The following CEP76 variants were observed in gnomAD, a reference collection of about 807,000 sequenced individuals.
CEP76 encodes centrosomal protein of 76 kDa.
A neutral mutation model predicts 83.3 loss-of-function variants in CEP76; 55 were observed. That is an observed-to-expected ratio of 0.66 (90% CI 0.53 to 0.83). CEP76 has a LOEUF of 0.83. CEP76 is among the 40% of genes least tolerant of loss of function. The pLI is 0.00. For synonymous variants in CEP76, 270 were observed against 274.5 expected, an observed-to-expected ratio of 0.98 and a Z score of 0.16; for missense variants, 694 against 799.5, an observed-to-expected ratio of 0.87 and a Z score of 1.59.
intron 5 of CEP76, among the ~76,000 whole-genome samples, chr18:12,695,620 AGGTTGGTCT>A (rs2039928078): frequency 6.6e-6 from 1 of 151,986 alleles, no homozygotes; most frequent in African/African-American, 2.4e-5. Context: ...TATGTTATTC[AGGTTGGTCT>A]TAAACTCCAG....
chr18:12,673,973 TC>T (rs2039027366), intron 11 of CEP76, among the ~76,000 whole-genome samples: 1 of 152,148 alleles, frequency 6.6e-6, no homozygotes, highest in Non-Finnish European at 1.5e-5. Context: ...ATAGACTATT[TC>T]CTTATAGTCC....
At chr18:12,700,013 C>A in intron 2 of CEP76, 108 bp from the exon 3 acceptor site, 1 of 557,602 alleles carries the variant, frequency 1.8e-6, no homozygotes, top group South Asian at 4.0e-5. Context: ...CAGGGTAAGG[C>A]CCTTTCAAAG....
At chr18:12,664,268 G>A (rs2038758556) in intron 12 of CEP76, among the ~76,000 whole-genome samples, 1 of 152,182 alleles carries the variant, frequency 6.6e-6, no homozygotes, top group Non-Finnish European at 1.5e-5. Flanking sequence ...TGTAGGCCGG[G>A]CATGGTGGCT....
intron 7 of CEP76, chr18:12,686,666 G>A (rs1266754959): frequency 2.8e-5 from 11 of 398,170 alleles, no homozygotes; most frequent in Non-Finnish European, 4.6e-5. Flanking sequence ...AGGAGCTACA[G>A]CTATTATGCA....
chr18:12,677,570 A>G (rs2039187743), intron 10 of CEP76, among the ~76,000 whole-genome samples: 1 of 151,994 alleles, frequency 6.6e-6, no homozygotes, highest in Non-Finnish European at 1.5e-5. Flanking sequence ...ACAAACAGAA[A>G]CCAACCTGGG....
intron 8 of CEP76, among the ~76,000 whole-genome samples, chr18:12,683,983 CTAAA>C (rs1420415212): frequency 6.7e-6 from 1 of 149,966 alleles, no homozygotes; most frequent in African/African-American, 2.4e-5. Flanking sequence ...AGTAAAAAAT[CTAAA>C]TATATATATG....
In CEP76 at chr18:12,699,102, A is replaced by C. The variant is rs1383388503; in HGVS notation, c.397T>G (p.Cys133Gly). 8.7e-6 allele frequency: 14 copies of C among 1,614,040 alleles called. No homozygotes were observed. In the East Asian group the frequency reaches 2.9e-4, roughly 33 times the overall value. Residue 133 changes from cysteine to glycine, a missense_variant, in exon 4 of 12, where the codon TGT becomes GGT. Cys to Gly is a radical substitution (Grantham distance 159, BLOSUM62 -3). Coordinates refer to ENST00000262127, the MANE Select transcript of CEP76 (RefSeq NM_024899.4). ...TGTAAACATAAAGTAAACGTTGAAC[A>C]AACTTGTCCAGGTAAAGGCTCAGGT... ...QEPEPLPGQV[C>G]STFTLCLHYR...
downstream of CEP76, among the ~76,000 whole-genome samples, chr18:12,669,988 A>G (rs895788187): frequency 4.8e-5 from 7 of 146,400 alleles, no homozygotes; most frequent in African/African-American, 1.8e-4. Context: ...CAAGAGCCAA[A>G]CTGTCTCAAA....
intron 10 of CEP76, among the ~76,000 whole-genome samples, chr18:12,677,444 G>A (rs951471591): frequency 5.7e-5 from 7 of 123,132 alleles, no homozygotes; most frequent in Admixed American, 2.0e-4. Context: ...GTGACAGAGC[G>A]AGAGATTCCA....
intron 5 of CEP76, 72 bp downstream of exon 5, chr18:12,697,151 A>G (rs1366160644): frequency 1.2e-5 from 14 of 1,124,916 alleles, no homozygotes; most frequent in Admixed American, 2.5e-5. Context: ...AAAGCATTTT[A>G]AAGATATAAA....
chr18:12,685,338 T>C (rs2039505053), intron 8 of CEP76: 2 of 152,112 alleles, frequency 1.3e-5, no homozygotes, highest in African/African-American at 4.8e-5. Context: ...TCTGAGCAAA[T>C]TGCAACACAT....
At chr18:12,665,134 T>A (rs2038778261) in intron 12 of CEP76, 1 of 152,216 alleles carries the variant, frequency 6.6e-6, no homozygotes, top group Non-Finnish European at 1.5e-5. Context: ...TCATTTCTCT[T>A]CCAAGGTGAG....
In CEP76 at chr18:12,687,853, T is replaced by C. The variant is rs145876697; in HGVS notation, c.934-1403A>G. On this transcript the variant is annotated intron_variant, in intron 7 of 11. Coordinates refer to ENST00000262127, the MANE Select transcript of CEP76 (RefSeq NM_024899.4). ...TACATGAACTTAGCATTACTAATAA[T>C]CTAGTGTGGTATAAGAATACTAAGT... is the stretch of plus-strand genomic sequence containing the variant. Among the ~76,000 whole-genome samples, 159 of 152,202 alleles carry C rather than the reference T, an allele frequency of 1.0e-3. 1 individual carries two copies. The highest frequency in any genetic ancestry group is 3.7e-3 in the African/African-American group (152 of 41,544).
intron 6 of CEP76, among the ~76,000 whole-genome samples, chr18:12,692,682 ATT>A (rs2039810931): frequency 6.6e-6 from 1 of 152,166 alleles, no homozygotes; most frequent in Non-Finnish European, 1.5e-5. Flanking sequence ...TTGCTGACTT[ATT>A]GTTTCTCCTG....
intron 1 of CEP76, 85 bp downstream of exon 1, chr18:12,702,401 T>C: frequency 9.7e-7 from 1 of 1,027,192 alleles, no homozygotes; most frequent in Non-Finnish European, 1.5e-6. Context: ...GGCAAGCAGA[T>C]GCCGCTGTCG....
At chr18:12,665,697 T>A (rs2038788006) in intron 12 of CEP76, among the ~76,000 whole-genome samples, 1 of 152,098 alleles carries the variant, frequency 6.6e-6, no homozygotes, top group South Asian at 2.1e-4. Flanking sequence ...TCTTAAAAAT[T>A]TTTTTTTAAT....
Position 12,672,931 on chromosome 18 carries a change from T to TGAGGTTA in CEP76, c.*427_*433dup. ...ACCAATGCAATAAATAAATCTGTCATGAGGTTAATTTCTCCTAATCTGTAT... is the reference window on the plus strand; with the variant it reads ...ACCAATGCAATAAATAAATCTGTCATGAGGTTAGAGGTTAATTTCTCCTAATCTGTAT... On this transcript the variant is annotated 3_prime_UTR_variant, in exon 12 of 12. Transcript: ENST00000262127. 2 of 982,504 alleles carry TGAGGTTA rather than the reference T, an allele frequency of 2.0e-6. No individual in the cohort carries two copies. The highest frequency in any genetic ancestry group is 2.4e-6 in the Non-Finnish European group (2 of 827,068). 60.9% of individuals were successfully genotyped at this position (982,504 alleles called of 1,614,324 possible). A position where few individuals can be genotyped will look rare whatever the true frequency, so the allele number is the denominator to read the frequency against.
At chr18:12,693,332 G>A (rs2039833595) in intron 6 of CEP76, among the ~76,000 whole-genome samples, 1 of 152,158 alleles carries the variant, frequency 6.6e-6, no homozygotes, top group East Asian at 1.9e-4. Context: ...GCTGAGGCAG[G>A]TGGATTGCTT....
intron 6 of CEP76, 79 bp downstream of exon 6, chr18:12,695,175 A>G: frequency 1.9e-6 from 1 of 517,078 alleles, no homozygotes; most frequent in South Asian, 4.3e-5. Flanking sequence ...CTAAAAATAG[A>G]GTGCTTTCTA....
Sources: allele counts gnomAD v4.1 joint callset (sites outside exome capture counted in the v4.1 genomes callset), GRCh38; gene constraint gnomAD v4.1.1; transcripts MANE v1.5; gene names NCBI Gene and HGNC (gene_info 2026-07-23, HGNC 2026-07-21).